The following PPP1R9A variants were observed in gnomAD, a reference collection of about 807,000 sequenced individuals.
The protein encoded by PPP1R9A is neurabin-1.
In PPP1R9A, 59 loss-of-function variants were observed where a neutral mutation model predicts 141.9. The observed-to-expected ratio is 0.42, with a 90% CI of 0.34 to 0.52. PPP1R9A has a LOEUF of 0.52. Among genes scored for constraint, PPP1R9A ranks in the 20% least tolerant of loss-of-function variants. The pLI, the probability that PPP1R9A is intolerant of heterozygous loss-of-function variation, is 0.10. For missense variants in PPP1R9A, 1,444 were observed against 1,611.9 expected (o/e 0.90, Z 1.78); for synonymous variants, 500 against 569.7 (o/e 0.88, Z 1.74).
chr7:95,082,226 C>G (rs765881100), intron 2 of PPP1R9A, among the ~76,000 whole-genome samples: 14 of 152,130 alleles, frequency 9.2e-5, no homozygotes, highest in Non-Finnish European at 2.1e-4. Flanking sequence ...AACCAAAAAA[C>G]TTAATAGGAG....
intron 4 of PPP1R9A, among the ~76,000 whole-genome samples, chr7:95,160,290 C>T (rs1230245110): frequency 2.0e-5 from 3 of 151,996 alleles, no homozygotes; most frequent in African/African-American, 7.2e-5. Flanking sequence ...TTAAGTTTTT[C>T]CTTAGGGAAG....
At chr7:95,031,920 G>T (rs373022531) in intron 2 of PPP1R9A, among the ~76,000 whole-genome samples, 85 of 152,310 alleles carry the variant, frequency 5.6e-4, no homozygotes, top group African/African-American at 1.9e-3. Context: ...CAGTCACTCA[G>T]CTAGTAAATG....
At chr7:95,111,215 T>G in intron 2 of PPP1R9A, 44 bp from the exon 3 acceptor site, 1 of 1,506,832 alleles carries the variant, frequency 6.6e-7, no homozygotes, top group Non-Finnish European at 8.9e-7. Flanking sequence ...CTGGCAGGTT[T>G]TTTTTTTTTT....
intron 2 of PPP1R9A, among the ~76,000 whole-genome samples, chr7:95,050,615 T>G (rs2151986367): frequency 6.6e-6 from 1 of 152,194 alleles, no homozygotes; most frequent in Admixed American, 6.5e-5. Context: ...TAATTCCAGC[T>G]ACATGGGAGG....
At chr7:95,080,700 C>CT (rs1166284574) in intron 2 of PPP1R9A, among the ~76,000 whole-genome samples, 2 of 152,176 alleles carry the variant, frequency 1.3e-5, no homozygotes, top group African/African-American at 4.8e-5. Flanking sequence ...TACTTCTACT[C>CT]TGTTTTTAGA....
intron 12 of PPP1R9A, among the ~76,000 whole-genome samples, chr7:95,259,969 C>T (rs1459746479): frequency 1.3e-5 from 2 of 152,030 alleles, no homozygotes; most frequent in East Asian, 1.9e-4. Flanking sequence ...TTCCTGAAAA[C>T]TTATTTTCAA....
At chr7:95,219,341 G>C (rs1408858668) in intron 7 of PPP1R9A, among the ~76,000 whole-genome samples, 1 of 152,188 alleles carries the variant, frequency 6.6e-6, no homozygotes, top group Non-Finnish European at 1.5e-5. Flanking sequence ...GAGATCCGCT[G>C]TTAGTCTGGT....
intron 4 of PPP1R9A, among the ~76,000 whole-genome samples, chr7:95,159,887 C>G (rs1188856333): frequency 6.9e-6 from 1 of 145,564 alleles, no homozygotes; most frequent in Non-Finnish European, 1.5e-5. Context: ...GATCACACCA[C>G]TGCACTCCAG....
At chr7:95,254,546 C>T (rs1471378865) in intron 12 of PPP1R9A, among the ~76,000 whole-genome samples, 1 of 152,128 alleles carries the variant, frequency 6.6e-6, no homozygotes, top group East Asian at 1.9e-4. Flanking sequence ...GTTATCCTCC[C>T]GACCTTCTAC....
chr7:95,089,200 A>G (rs1817007362), intron 2 of PPP1R9A, among the ~76,000 whole-genome samples: 1 of 152,098 alleles, frequency 6.6e-6, no homozygotes, highest in African/African-American at 2.4e-5. Flanking sequence ...TTAGTACTCC[A>G]GCTACTTTAC....
chr7:95,116,098 CT>C (rs1327349147), intron 3 of PPP1R9A, among the ~76,000 whole-genome samples: 12 of 152,056 alleles, frequency 7.9e-5, no homozygotes, highest in African/African-American at 2.9e-4. Flanking sequence ...ACATTTACCA[CT>C]TTAAAGAAAG....
At position 95,097,598 on chromosome 7, in the gene PPP1R9A, G is replaced by A. The variant is rs189014896; in HGVS notation, c.1396-13661G>A. Among the ~76,000 whole-genome samples, 293 of 152,218 alleles carry A rather than the reference G, an allele frequency of 1.9e-3. 2 individuals carry two copies. The highest frequency in any genetic ancestry group is 6.6e-3 in the African/African-American group (274 of 41,544). On this transcript the variant is annotated intron_variant, in intron 2 of 19. Coordinates refer to ENST00000433360, the MANE Select transcript of PPP1R9A (RefSeq NM_001166160.2). ...TACATACATATGTGTATACGTATGTGTATATTTGAAACCAAAAGTTTTGAA... is the reference window on the plus strand; with the variant it reads ...TACATACATATGTGTATACGTATGTATATATTTGAAACCAAAAGTTTTGAA...
intron 2 of PPP1R9A, among the ~76,000 whole-genome samples, chr7:94,984,459 C>G (rs1016575892): frequency 2.0e-5 from 3 of 152,058 alleles, no homozygotes; most frequent in Admixed American, 1.3e-4. Flanking sequence ...TCCATCTGGT[C>G]TCGGAGTTTT....
chr7:95,272,904 G>A (rs1190501936), intron 14 of PPP1R9A, among the ~76,000 whole-genome samples: 1 of 152,152 alleles, frequency 6.6e-6, no homozygotes, highest in Non-Finnish European at 1.5e-5. Context: ...AAAAGAACTG[G>A]GGAGGAAGAG....
intron 4 of PPP1R9A, among the ~76,000 whole-genome samples, chr7:95,143,571 AGGTGATTTTATTGGTATTTACCCT>A (rs1164954588): frequency 1.3e-5 from 2 of 152,104 alleles, no homozygotes; most frequent in East Asian, 3.9e-4. Flanking sequence ...AGGATATTAG[AGGTGATTTTATTGGTATTTACCCT>A]ACCGAGTCAG....
At chr7:95,037,704 C>CGT (rs201610388) in intron 2 of PPP1R9A, among the ~76,000 whole-genome samples, 362 of 152,048 alleles carry the variant, frequency 2.4e-3, no homozygotes, top group Middle Eastern at 0.01. Flanking sequence ...TGTGTGCGTG[C>CGT]GCGCGTGTGT....
At chr7:94,993,704 A>G (rs1189450006) in intron 2 of PPP1R9A, among the ~76,000 whole-genome samples, 10 of 152,292 alleles carry the variant, frequency 6.6e-5, no homozygotes, top group African/African-American at 1.9e-4. Context: ...GTATCTAGAA[A>G]TGCAGTGGGT....
In PPP1R9A at chr7:95,287,099, C is replaced by G. The variant is rs769234090; in HGVS notation, c.3729+774C>G. ...TTTTCTTCTTGATTCTTTTATTGCT[C>G]CCTCACTCAGAGCCTGGATATGATA... On this transcript the variant is annotated intron_variant, in intron 18 of 19. Coordinates refer to ENST00000433360, the MANE Select transcript of PPP1R9A (RefSeq NM_001166160.2). 4.3e-6 allele frequency: 7 copies of G among 1,610,770 alleles called. No homozygotes were observed. In the South Asian group the frequency reaches 6.6e-5, roughly 15 times the overall value.
intron 2 of PPP1R9A, among the ~76,000 whole-genome samples, chr7:94,968,501 A>G (rs1443332412): frequency 1.3e-5 from 2 of 152,008 alleles, no homozygotes; most frequent in Non-Finnish European, 2.9e-5. Context: ...TTTATCAGAG[A>G]CTAGGATTGC....
Sources: gnomAD v4.1 joint callset for allele counts (sites outside exome capture counted in the v4.1 genomes callset) on GRCh38, gnomAD v4.1.1 for gene constraint, MANE v1.5 for transcripts, NCBI Gene and HGNC (gene_info 2026-07-23, HGNC 2026-07-21) for gene names.